The following BMP6 variants were observed in gnomAD, a reference collection of about 807,000 sequenced individuals.
BMP6 encodes VG-1-R.
A neutral mutation model predicts 54.1 loss-of-function variants in BMP6; 17 were observed. The ratio of observed to expected loss-of-function variants is 0.31; its 90% CI spans 0.22 to 0.47. The LOEUF (loss-of-function observed/expected upper bound fraction) is 0.47, where lower values mean the gene tolerates loss of function less well. BMP6 is among the 20% of genes least tolerant of loss of function. The probability of loss-of-function intolerance (pLI) is 1.00; values close to 1 mark genes in which losing one functional copy is unlikely to be tolerated. For synonymous variants in BMP6, 328 were observed against 291.2 expected (o/e 1.13, Z -1.28); for missense variants, 720 against 690.4 (o/e 1.04, Z -0.48).
At chr6:7,814,130 C>G (rs1231432401) in intron 1 of BMP6, among the ~76,000 whole-genome samples, 2 of 152,162 alleles carry the variant, frequency 1.3e-5, no homozygotes, top group East Asian at 1.9e-4. Context: ...ATCCCTCTGC[C>G]TCTCTCTTCT....
At chr6:7,814,380 A>G (rs1291124846) in intron 1 of BMP6, among the ~76,000 whole-genome samples, 1 of 152,236 alleles carries the variant, frequency 6.6e-6, no homozygotes, top group African/African-American at 2.4e-5. Flanking sequence ...TAAAACAGCC[A>G]GATGTCAAAA....
intron 1 of BMP6, among the ~76,000 whole-genome samples, chr6:7,736,954 G>C (rs2224564): frequency 0.26 from 39,761 of 152,074 alleles, 5,223 homozygotes; most frequent in Middle Eastern, 0.39. Flanking sequence ...TTGGGAGGCC[G>C]AGGACGGTGG....
rs1038153323 is a variant in BMP6 at position 7,779,455 on chromosome 6, C to T, written c.664+51836C>T. 4.5e-4 allele frequency among the ~76,000 whole-genome samples: 68 copies of T among 152,146 alleles called. 1 individual carries two copies. The highest frequency in any genetic ancestry group is 4.3e-3 in the Admixed American group (65 of 15,280). On this transcript the variant is annotated intron_variant, in intron 1 of 6. Coordinates refer to ENST00000283147, the MANE Select transcript of BMP6 (RefSeq NM_001718.6). ...CCAGGTTCAAGTGATTCTCCTACCT[C>T]AGCCTCCCGAGTAGCTGGGATTACA... is the stretch of plus-strand genomic sequence containing the variant.
In BMP6 at chr6:7,727,109, C is replaced by T. The variant is rs1761741298; in HGVS notation, c.154C>T (p.Arg52Cys). 1 of 1,436,134 alleles carries T rather than the reference C, an allele frequency of 7.0e-7. No individual in the cohort carries two copies. Among genetic ancestry groups the T allele is most frequent in the East Asian group, 3.0e-5 (1 of 32,892 alleles). 89.0% of individuals were successfully genotyped at this position (1,436,134 alleles called of 1,614,324 possible). ...GCTGGGGGACGGCGGGAGCCCCGGC[C>T]GCACGGAGCAGCCGCCGCCGTCGCC... ...QLLGDGGSPG[R>C]TEQPPPSPQS... The change falls in exon 1 of 7, where the codon CGC (arginine) becomes TGC (cysteine). Residue 52 changes from arginine to cysteine, a missense_variant. Physicochemically the swap from Arg to Cys is radical, Grantham distance 180. Around this residue, in one of 3 missense-constraint regions of BMP6, gnomAD observed 650 missense variants for 556.3 expected, o/e 1.17. Transcript: ENST00000283147.
At chr6:7,813,665 AAAAACCCAC>A (rs1165291455) in intron 1 of BMP6, among the ~76,000 whole-genome samples, 7 of 139,978 alleles carry the variant, frequency 5.0e-5, no homozygotes, top group African/African-American at 1.6e-4. Context: ...AAAAAAAAAA[AAAAACCCAC>A]CAAACCCAGT....
At chr6:7,793,028 T>A (rs1369192590) in intron 1 of BMP6, among the ~76,000 whole-genome samples, 1 of 150,938 alleles carries the variant, frequency 6.6e-6, no homozygotes, top group Non-Finnish European at 1.5e-5. Flanking sequence ...TCTTATAAAT[T>A]GGTTTGTCTC....
chr6:7,766,952 TTTTATTTA>T (rs909291653), intron 1 of BMP6, among the ~76,000 whole-genome samples: 2 of 96,578 alleles, frequency 2.1e-5, no homozygotes, highest in African/African-American at 6.0e-5. Flanking sequence ...TATTTTTATT[TTTTATTTA>T]TTTATTTATT....
intron 4 of BMP6, among the ~76,000 whole-genome samples, chr6:7,876,107 G>A (rs1230057429): frequency 6.6e-6 from 1 of 152,202 alleles, no homozygotes; most frequent in Non-Finnish European, 1.5e-5. Flanking sequence ...CCCCACATGC[G>A]AAGTGTTGCC....
intron 1 of BMP6, among the ~76,000 whole-genome samples, chr6:7,838,331 A>G (rs1045168000): frequency 6.6e-5 from 10 of 152,232 alleles, no homozygotes; most frequent in African/African-American, 2.4e-4. Context: ...GGTTTCAGGC[A>G]TCCATTGGGG....
rs146152962 is a variant in BMP6, at chr6:7,742,026, C to T, written c.664+14407C>T. ...TCTCAAAAATAAAACTGGTGTATGCCGTCTCCTTCCATTCTCTCATTACAA... is the reference window on the plus strand; with the variant it reads ...TCTCAAAAATAAAACTGGTGTATGCTGTCTCCTTCCATTCTCTCATTACAA... On this transcript the variant is annotated intron_variant, in intron 1 of 6. Transcript: ENST00000283147. Among the ~76,000 whole-genome samples, 809 of 152,274 alleles carry T rather than the reference C, an allele frequency of 5.3e-3. 13 individuals are homozygous for T. The highest frequency in any genetic ancestry group is 0.018 in the African/African-American group (762 of 41,536).
At chr6:7,791,240 C>G (rs1758102303) in intron 1 of BMP6, among the ~76,000 whole-genome samples, 1 of 152,192 alleles carries the variant, frequency 6.6e-6, no homozygotes, top group African/African-American at 2.4e-5. Flanking sequence ...TCCTGTTCCA[C>G]TACTTATTTA....
chr6:7,814,980 A>G (rs1222306467), intron 1 of BMP6, among the ~76,000 whole-genome samples: 1 of 152,202 alleles, frequency 6.6e-6, no homozygotes, highest in African/African-American at 2.4e-5. Context: ...AACTTAAAGT[A>G]AAATAATAAT....
At chr6:7,834,657 A>C (rs543581955) in intron 1 of BMP6, among the ~76,000 whole-genome samples, 1 of 152,184 alleles carries the variant, frequency 6.6e-6, no homozygotes, top group East Asian at 1.9e-4. Flanking sequence ...CCTGGGCAAA[A>C]TAGCGAGGTG....
At chr6:7,730,552 C>T (rs1761835319) in intron 1 of BMP6, among the ~76,000 whole-genome samples, 1 of 152,154 alleles carries the variant, frequency 6.6e-6, no homozygotes, top group Non-Finnish European at 1.5e-5. Flanking sequence ...AAGCAGCAAG[C>T]CATGCCACCT....
Position 7,834,985 on chromosome 6 carries a change from C to T in BMP6, c.665-10155C>T, listed in dbSNP as rs576037351. 1.4e-4 allele frequency among the ~76,000 whole-genome samples: 22 copies of T among 152,278 alleles called. No individual in the cohort carries two copies. In the South Asian group the frequency reaches 3.5e-3, roughly 24 times the overall value. ...GAACCCACAGACAGATGAACTACGA[C>T]GGCATCTGAGCCGGGCAGAATGAAT... On this transcript the variant is annotated intron_variant, in intron 1 of 6. Transcript: ENST00000283147.
chr6:7,856,149 A>C (rs1759229638), intron 2 of BMP6, among the ~76,000 whole-genome samples: 1 of 147,432 alleles, frequency 6.8e-6, no homozygotes, highest in Non-Finnish European at 1.5e-5. Context: ...AAAAAATGCA[A>C]GTGTAGCCAA....
chr6:7,851,467 T>A (rs1044573174), intron 2 of BMP6, among the ~76,000 whole-genome samples: 1 of 152,218 alleles, frequency 6.6e-6, no homozygotes, highest in Non-Finnish European at 1.5e-5. Flanking sequence ...CAAATTTACA[T>A]GTTAATTCGA....
intron 1 of BMP6, among the ~76,000 whole-genome samples, chr6:7,824,293 CG>C (rs1758658759): frequency 6.6e-6 from 1 of 152,144 alleles, no homozygotes. Context: ...GATCTCCCGG[CG>C]ATCTTTCCAG....
chr6:7,874,919 A>C (rs965615897), intron 4 of BMP6, among the ~76,000 whole-genome samples: 12 of 111,462 alleles, frequency 1.1e-4, no homozygotes, highest in Non-Finnish European at 1.6e-4. Context: ...AATCAATAGG[A>C]TATATGGAGA....
Sources: gnomAD v4.1 joint callset for allele counts (sites outside exome capture counted in the v4.1 genomes callset) on GRCh38, gnomAD v4.1.1 for gene constraint, gnomAD v4.1.1 regional missense constraint, MANE v1.5 for transcripts, NCBI Gene and HGNC (gene_info 2026-07-23, HGNC 2026-07-21) for gene names.